TNR: variants seen among roughly 807,000 people sequenced by gnomAD.
TNR encodes tenascin-R.
TNR carries 45 observed loss-of-function variants against 150.4 expected under a neutral mutation model. The observed-to-expected ratio is 0.30, with a 90% CI of 0.24 to 0.38. TNR has a LOEUF of 0.38. Ranked by LOEUF, TNR falls within the 10% of genes least tolerant of loss-of-function variation. TNR has a pLI of 1.00. For synonymous variants in TNR, 687 were observed against 678.4 expected (o/e 1.01, Z -0.20); for missense variants, 1,544 against 1,759.1 (o/e 0.88, Z 2.19).
chr1:175,690,675 T>C (rs1666334790), intron 1 of TNR, among the ~76,000 whole-genome samples: 1 of 152,280 alleles, frequency 6.6e-6, no homozygotes. Context: ...GGGTTTAAGT[T>C]TGATTGTGAT....
intron 2 of TNR, among the ~76,000 whole-genome samples, chr1:175,506,851 C>G (rs1338054701): frequency 6.6e-6 from 1 of 152,252 alleles, no homozygotes; most frequent in Admixed American, 6.5e-5. Context: ...GGCACCCACT[C>G]TGGGCCAGGC....
Position 175,572,640 on chromosome 1 carries a change from T to TA in TNR, c.-164-44272dup, listed in dbSNP as rs148058120. 3.8e-3 allele frequency among the ~76,000 whole-genome samples: 582 copies of TA among 151,808 alleles called. 4 individuals are homozygous for TA. The highest frequency in any genetic ancestry group is 0.013 in the African/African-American group (554 of 41,398). ...CTTATTATAAGAAACTTAGAATACA[T>TA]AAAAAAATTGAAAGATACATATACC... On this transcript the variant is annotated intron_variant, in intron 1 of 22. Transcript: ENST00000367674.
chr1:175,496,352 T>C (rs942446160), intron 2 of TNR, among the ~76,000 whole-genome samples: 4 of 152,180 alleles, frequency 2.6e-5, no homozygotes, highest in Non-Finnish European at 5.9e-5. Context: ...TACATATGTC[T>C]CTCTAATAAC....
chr1:175,685,182 C>A (rs1363209211), intron 1 of TNR, among the ~76,000 whole-genome samples: 1 of 152,172 alleles, frequency 6.6e-6, no homozygotes, highest in African/African-American at 2.4e-5. Flanking sequence ...CTTCTGAGAT[C>A]TTTTCACCTT....
intron 1 of TNR, among the ~76,000 whole-genome samples, chr1:175,732,523 G>C (rs1339235370): frequency 6.6e-6 from 1 of 152,222 alleles, no homozygotes; most frequent in East Asian, 1.9e-4. Flanking sequence ...GGTAGGACTG[G>C]CAGAACCAAG....
intron 1 of TNR, among the ~76,000 whole-genome samples, chr1:175,552,795 T>C (rs1030643805): frequency 1.3e-5 from 2 of 152,246 alleles, no homozygotes; most frequent in Non-Finnish European, 2.9e-5. Flanking sequence ...CCGTTCTGAC[T>C]TTTTGGATCC....
intron 1 of TNR, among the ~76,000 whole-genome samples, chr1:175,532,802 C>T (rs1009711477): frequency 2.6e-5 from 4 of 152,142 alleles, no homozygotes; most frequent in South Asian, 2.1e-4. Context: ...GAGGCCTCAG[C>T]TTCTCCCCAT....
At chr1:175,372,771 A>G (rs373146449) in intron 9 of TNR, among the ~76,000 whole-genome samples, 4 of 152,204 alleles carry the variant, frequency 2.6e-5, no homozygotes, top group African/African-American at 9.7e-5. Context: ...GATCAAGTGG[A>G]CATGAGGAAA....
At chr1:175,410,283 C>A (rs1027827556) in intron 2 of TNR, among the ~76,000 whole-genome samples, 1 of 152,124 alleles carries the variant, frequency 6.6e-6, no homozygotes. Context: ...CCTTGTAAAC[C>A]CCTGTAAGTT....
chr1:175,357,534 T>C (rs973241861), intron 15 of TNR, among the ~76,000 whole-genome samples: 1 of 149,536 alleles, frequency 6.7e-6, no homozygotes, highest in Admixed American at 6.6e-5. Flanking sequence ...CATCATGCCA[T>C]TGATTAATGC....
chr1:175,629,743 G>T (rs547138358), intron 1 of TNR, among the ~76,000 whole-genome samples: 192 of 152,280 alleles, frequency 1.3e-3, no homozygotes, highest in African/African-American at 4.4e-3. Context: ...TGGAAATAGG[G>T]TTAGAGGCAA....
Position 175,418,388 on chromosome 1 carries a change from T to C in TNR, c.-63-11611A>G, listed in dbSNP as rs141935944. On this transcript the variant is annotated intron_variant, in intron 2 of 22. Coordinates refer to ENST00000367674, the MANE Select transcript of TNR (RefSeq NM_003285.3). ...TGGAAAAGATGGCTTTTGAGCTGGG[T>C]CTTGAAGAATGAGAAAGATTTTGAA... Among the ~76,000 whole-genome samples, 582 of 152,168 alleles carry C rather than the reference T, an allele frequency of 3.8e-3. 4 individuals carry two copies. Among genetic ancestry groups the C allele is most frequent in the African/African-American group, 0.013 (557 of 41,506 alleles).
intron 1 of TNR, among the ~76,000 whole-genome samples, chr1:175,631,683 T>G (rs898094205): frequency 6.6e-6 from 1 of 152,072 alleles, no homozygotes; most frequent in Non-Finnish European, 1.5e-5. Flanking sequence ...TATATGCATG[T>G]GTATGAGTGT....
chr1:175,539,472 G>T (rs574937756), intron 1 of TNR, among the ~76,000 whole-genome samples: 71 of 152,294 alleles, frequency 4.7e-4, no homozygotes, highest in African/African-American at 1.7e-3. Context: ...AGAGGAATCA[G>T]ATGAAGACGG....
intron 3 of TNR, among the ~76,000 whole-genome samples, chr1:175,404,330 A>T (rs939273285): frequency 2.6e-5 from 4 of 151,812 alleles, no homozygotes; most frequent in African/African-American, 9.7e-5. Context: ...CATCTGACTC[A>T]CTCTGCTCAT....
intron 2 of TNR, among the ~76,000 whole-genome samples, chr1:175,490,480 G>A (rs533346295): frequency 3.3e-5 from 5 of 152,184 alleles, no homozygotes; most frequent in East Asian, 3.9e-4. Context: ...TCCATCTGAC[G>A]AAGGTCTAAT....
intron 13 of TNR, 32 bp from the exon 14 acceptor site, chr1:175,362,841 C>A (rs202100657): frequency 2.5e-6 from 4 of 1,612,670 alleles, no homozygotes; most frequent in Non-Finnish European, 2.5e-6. Context: ...AGTTAAAATT[C>A]AGCAGCCCTT....
chr1:175,344,609 T>C (rs1189030743), intron 18 of TNR, among the ~76,000 whole-genome samples: 1 of 152,176 alleles, frequency 6.6e-6, no homozygotes, highest in East Asian at 1.9e-4. Flanking sequence ...TTAGATGACA[T>C]GGACCAATTT....
chr1:175,505,592 C>A (rs912145060), intron 2 of TNR, among the ~76,000 whole-genome samples: 1 of 152,230 alleles, frequency 6.6e-6, no homozygotes, highest in Non-Finnish European at 1.5e-5. Flanking sequence ...CAGTGGGCAG[C>A]GTGCTGCCAG....
Sources: allele counts gnomAD v4.1 joint callset (sites outside exome capture counted in the v4.1 genomes callset), GRCh38; gene constraint gnomAD v4.1.1; transcripts MANE v1.5; gene names NCBI Gene and HGNC (gene_info 2026-07-23, HGNC 2026-07-21).